Variants in RPAP2 observed in about 807,000 individuals in gnomAD.
RPAP2 encodes putative RNA polymerase II subunit B1 CTD phosphatase RPAP2.
A neutral mutation model predicts 73.1 loss-of-function variants in RPAP2; 52 were observed. The ratio of observed to expected loss-of-function variants is 0.71; its 90% CI spans 0.57 to 0.90. The LOEUF (loss-of-function observed/expected upper bound fraction) is 0.90. RPAP2 is among the 40% of genes least tolerant of loss of function. The probability of loss-of-function intolerance (pLI) is 0.00; values close to 1 mark genes in which losing one functional copy is unlikely to be tolerated. For synonymous variants in RPAP2, 225 were observed against 242.1 expected, an observed-to-expected ratio of 0.93 and a Z score of 0.65; for missense variants, 598 against 701.8, an observed-to-expected ratio of 0.85 and a Z score of 1.67.
At chr1:92,302,679 G>C (rs1307592180) in intron 3 of RPAP2, among the ~76,000 whole-genome samples, 1 of 127,282 alleles carries the variant, frequency 7.9e-6, no homozygotes, top group African/African-American at 3.0e-5. Context: ...TCTGCTCACT[G>C]CAAGCTCCGC....
intron 10 of RPAP2, among the ~76,000 whole-genome samples, chr1:92,342,665 T>C (rs1653663626): frequency 6.6e-6 from 1 of 152,120 alleles, no homozygotes; most frequent in Admixed American, 6.6e-5. Flanking sequence ...TAAGAAATGG[T>C]GTGACTGAAG....
intron 5 of RPAP2, among the ~76,000 whole-genome samples, chr1:92,305,751 T>C (rs1476674142): frequency 6.6e-6 from 1 of 152,156 alleles, no homozygotes; most frequent in African/African-American, 2.4e-5. Flanking sequence ...TTATCAGTAA[T>C]CAGAGAAATA....
At position 92,387,179 on chromosome 1, in the gene RPAP2, G is replaced by A. The variant is rs541071926; in HGVS notation, c.*168G>A. ...CCCAGTCCTTCAGTCCCCAACTGCA[G>A]AGGATGACCTCCCCAGATAGAGGAG... On this transcript the variant is annotated 3_prime_UTR_variant, in exon 13 of 13. Coordinates refer to ENST00000610020, the MANE Select transcript of RPAP2 (RefSeq NM_024813.3). The A allele has an allele frequency of 2.4e-5, 12 of 510,428 alleles. No homozygotes were observed. The East Asian group carries it at 2.8e-4, about 12-fold the overall frequency. 31.6% of individuals were successfully genotyped at this position (510,428 alleles called of 1,614,324 possible). A position where few individuals can be genotyped will look rare whatever the true frequency, so the allele number is the denominator to read the frequency against.
chr1:92,369,719 G>A (rs1176990955), intron 11 of RPAP2, among the ~76,000 whole-genome samples: 1 of 152,076 alleles, frequency 6.6e-6, no homozygotes, highest in Non-Finnish European at 1.5e-5. Flanking sequence ...AAACAGGTAA[G>A]TAATTAGTAT....
intron 6 of RPAP2, among the ~76,000 whole-genome samples, chr1:92,313,004 C>T (rs1412218681): frequency 1.3e-5 from 2 of 151,992 alleles, no homozygotes; most frequent in Non-Finnish European, 2.9e-5. Flanking sequence ...TAGCTGGGAC[C>T]ACAGGCATGC....
Position 92,333,452 on chromosome 1 carries a change from T to C in RPAP2, c.1517T>C (p.Val506Ala), listed in dbSNP as rs1421295443. Residue 506 changes from valine to alanine, a missense_variant, in exon 9 of 13, where the codon GTA (valine) becomes GCA (alanine). Physicochemically the swap from Val to Ala is moderately conservative, Grantham distance 64. Around this residue, in one of 3 missense-constraint regions of RPAP2, gnomAD observed 506 missense variants for 612.8 expected, o/e 0.83. Coordinates refer to ENST00000610020, the MANE Select transcript of RPAP2 (RefSeq NM_024813.3). The part of the protein sequence containing the change: ...SSQNQIRKRI[V>A]LEKLSKVLPG... ...CAGAACCAGATTAGAAAACGCATCG[T>C]ACTTGAAAAGTTGAGTAAAGTGTAA... 6.2e-7 allele frequency: 1 copy of C among 1,613,368 alleles called. No individual in the cohort carries two copies. The highest frequency in any genetic ancestry group is 8.5e-7 in the Non-Finnish European group (1 of 1,179,412).
intron 11 of RPAP2, among the ~76,000 whole-genome samples, chr1:92,358,548 T>C (rs1395348858): frequency 1.3e-5 from 2 of 152,224 alleles, no homozygotes; most frequent in African/African-American, 4.8e-5. Flanking sequence ...TAATGTATGC[T>C]TGTCTCACTG....
chr1:92,387,123 C>G lies in RPAP2; in HGVS notation c.*112C>G. On this transcript the variant is annotated 3_prime_UTR_variant, in exon 13 of 13. Transcript: ENST00000610020. ...TAACTAGTTTTATTCCAAGACATAC[C>G]TTTACCTCTTTAAGTTTCAATCTCC... The G allele has an allele frequency of 9.2e-7, 1 of 1,083,820 alleles. No individual in the cohort carries two copies. The highest frequency in any genetic ancestry group is 2.3e-5 in the Admixed American group (1 of 43,724). 67.1% of individuals were successfully genotyped at this position (1,083,820 alleles called of 1,614,324 possible).
chr1:92,323,964 T>G lies in RPAP2; in HGVS notation c.1044T>G (p.Ser348=), dbSNP rs1307393798. The change falls in exon 8 of 13, where the codon TCT becomes TCG. Residue 348 remains serine, a synonymous_variant. Transcript: ENST00000610020. ...AATTTGCCAAATCAAACCAAGTGTC[T>G]AGGTCAGTGTCTAGTTCAGTGCAGG... ...KRKFAKSNQV[S]RSVSSSVQVC... is the part of the protein sequence containing the mutation. 2 of 1,614,038 alleles carry G rather than the reference T, an allele frequency of 1.2e-6. No homozygotes were observed. The highest frequency in any genetic ancestry group is 2.7e-5 in the African/African-American group (2 of 74,926).
chr1:92,324,004 G>A lies in RPAP2; in HGVS notation c.1084G>A (p.Gly362Arg). The change falls in exon 8 of 13, where the codon GGA becomes AGA. Residue 362 changes from glycine to arginine, a missense_variant. This residue lies in a region of RPAP2 where 506 missense variants were observed against 612.8 expected (regional missense o/e 0.83). Transcript: ENST00000610020. ...TTCAGTGCAGGTGTGTCCTGAAGTT[G>A]GAAAGAGAAACTTACTTAAAGTTTT... ...SSSVQVCPEV[G>R]KRNLLKVLKE... 6.2e-7 allele frequency: 1 copy of A among 1,614,018 alleles called. No homozygotes were observed. Among genetic ancestry groups the A allele is most frequent in the East Asian group, 2.2e-5 (1 of 44,880 alleles).
At chr1:92,376,913 A>AT (rs1371310355) in intron 11 of RPAP2, among the ~76,000 whole-genome samples, 1 of 152,096 alleles carries the variant, frequency 6.6e-6, no homozygotes, top group Non-Finnish European at 1.5e-5. Context: ...TTATGCCTTT[A>AT]TTTCCTTGTC....
rs1363051032 is a variant in RPAP2 at position 92,397,607 on chromosome 1, C to A, written c.*10596C>A. ...TTTGGGAGGGTGCTGCATCTGCCTC[C>A]CATACACTTCTGCCAAGTTTATGTT... On this transcript the variant is annotated 3_prime_UTR_variant, in exon 13 of 13. Coordinates refer to ENST00000610020, the MANE Select transcript of RPAP2 (RefSeq NM_024813.3). 2 of 152,130 alleles carry A rather than the reference C, an allele frequency of 1.3e-5. No individual in the cohort carries two copies. The highest frequency in any genetic ancestry group is 2.9e-5 in the Non-Finnish European group (2 of 68,044). The allele number at this position is 152,130 out of a possible 1,614,324, so 9.4% of individuals were successfully genotyped here. A position where few individuals can be genotyped will look rare whatever the true frequency, so the allele number is the denominator to read the frequency against.
intron 2 of RPAP2, 112 bp from the exon 3 acceptor site, chr1:92,301,364 T>C: frequency 2.4e-6 from 1 of 422,556 alleles, no homozygotes; most frequent in Non-Finnish European, 4.1e-6. Flanking sequence ...ATTTTTTAAA[T>C]ATATTTAAAT....
At chr1:92,344,071 C>T (rs1310713539) in intron 10 of RPAP2, among the ~76,000 whole-genome samples, 1 of 152,038 alleles carries the variant, frequency 6.6e-6, no homozygotes, top group African/African-American at 2.4e-5. Context: ...ATGTTTACTG[C>T]CATAAACAAT....
intron 11 of RPAP2, among the ~76,000 whole-genome samples, chr1:92,369,328 T>G (rs1655053792): frequency 6.6e-6 from 1 of 152,188 alleles, no homozygotes; most frequent in Admixed American, 6.5e-5. Flanking sequence ...GTCTCGCTGT[T>G]TCATCCAGGT....
At chr1:92,385,173 CAAA>C (rs10708018) in intron 12 of RPAP2, among the ~76,000 whole-genome samples, 47 of 122,970 alleles carry the variant, frequency 3.8e-4, no homozygotes, top group East Asian at 4.8e-4. Flanking sequence ...GACCCTGTCT[CAAA>C]AAAAAAAAAA....
At chr1:92,380,606 T>C in intron 11 of RPAP2, 118 bp from the exon 12 acceptor site, 1 of 605,446 alleles carries the variant, frequency 1.7e-6, no homozygotes, top group Non-Finnish European at 2.7e-6. Flanking sequence ...TCTGGGAGTT[T>C]AGTTAAATCA....
intron 11 of RPAP2, among the ~76,000 whole-genome samples, chr1:92,365,532 C>T (rs1295743173): frequency 6.6e-6 from 1 of 152,172 alleles, no homozygotes; most frequent in East Asian, 1.9e-4. Flanking sequence ...AATTCTAGTG[C>T]ACATTGGTGT....
intron 11 of RPAP2, among the ~76,000 whole-genome samples, chr1:92,371,312 AAAAAAAAATATAT>A (rs1269783475): frequency 1.5e-4 from 13 of 89,060 alleles, no homozygotes; most frequent in African/African-American, 1.8e-4. Context: ...CTCAAAAAAA[AAAAAAAAATATAT>A]ATATATATAT....
Sources: allele counts gnomAD v4.1 joint callset (sites outside exome capture counted in the v4.1 genomes callset), GRCh38; gene constraint gnomAD v4.1.1; regional missense constraint gnomAD v4.1.1; transcripts MANE v1.5; gene names NCBI Gene and HGNC (gene_info 2026-07-23, HGNC 2026-07-21).